COL9A1: variants seen among roughly 807,000 people sequenced by gnomAD.
The protein encoded by COL9A1 is collagen type IX alpha 1 chain, also known as collagen alpha-1(IX) chain.
A neutral mutation model predicts 142.6 loss-of-function variants in COL9A1; 104 were observed. The observed-to-expected ratio is 0.73, with a 90% CI of 0.62 to 0.86. The LOEUF (loss-of-function observed/expected upper bound fraction) is 0.86. Ranked by LOEUF, COL9A1 falls within the 40% of genes least tolerant of loss-of-function variation. The probability of loss-of-function intolerance (pLI) is 0.00; values close to 1 mark genes in which losing one functional copy is unlikely to be tolerated. For synonymous variants in COL9A1, 466 were observed against 396.0 expected (o/e 1.18, Z -2.10); for missense variants, 1,210 against 1,176.6 (o/e 1.03, Z -0.42).
chr6:70,255,412 T>C (rs1415990372), intron 21 of COL9A1, 22 bp from the exon 22 acceptor site: 1 of 1,610,288 alleles, frequency 6.2e-7, no homozygotes, highest in Non-Finnish European at 8.5e-7. Flanking sequence ...TAAAATTTTG[T>C]TAATACAAGA....
At chr6:70,282,782 G>A (rs921563292) in intron 7 of COL9A1, 116 bp downstream of exon 7, 1 of 1,484,344 alleles carries the variant, frequency 6.7e-7, no homozygotes. Context: ...GAGGAAGCGC[G>A]GGTCTGAGAG....
intron 28 of COL9A1, among the ~76,000 whole-genome samples, chr6:70,248,820 G>A (rs1319713865): frequency 6.6e-6 from 1 of 152,156 alleles, no homozygotes; most frequent in African/African-American, 2.4e-5. Context: ...CGACATGACT[G>A]GCACCTTCTG....
In COL9A1 at chr6:70,270,139, C is replaced by T. The variant is rs370048867; in HGVS notation, c.1197+175G>A. ...AACCACCTTTTAAATTATTGTGATTCTTCTACTTCTTGCCCTAAACAGAAC... is the reference window on the plus strand; with the variant it reads ...AACCACCTTTTAAATTATTGTGATTTTTCTACTTCTTGCCCTAAACAGAAC... On this transcript the variant is annotated intron_variant, in intron 15 of 37. Transcript: ENST00000357250. Among the ~76,000 whole-genome samples, 4 of 152,278 alleles carry T rather than the reference C, an allele frequency of 2.6e-5. No individual in the cohort carries two copies. In the South Asian group the frequency reaches 8.3e-4, roughly 32 times the overall value.
intron 18 of COL9A1, among the ~76,000 whole-genome samples, chr6:70,263,797 T>G (rs1218866615): frequency 6.6e-6 from 1 of 151,982 alleles, no homozygotes; most frequent in Admixed American, 6.6e-5. Context: ...AATATTTTAA[T>G]GTAAATCAGC....
At chr6:70,273,238 T>C (rs918023464) in intron 12 of COL9A1, among the ~76,000 whole-genome samples, 21 of 152,134 alleles carry the variant, frequency 1.4e-4, no homozygotes, top group African/African-American at 5.1e-4. Context: ...AAGTGTTGTG[T>C]TTGAAAACAC....
chr6:70,256,078 TC>T (rs1262789566), intron 21 of COL9A1, among the ~76,000 whole-genome samples: 1 of 152,130 alleles, frequency 6.6e-6, no homozygotes, highest in Admixed American at 6.5e-5. Context: ...CATAACCCCA[TC>T]ACCACCAACA....
rs745725671 is a variant in COL9A1, at chr6:70,268,839, C to A, written c.1252G>T (p.Gly418Cys). 3 of 1,613,942 alleles carry A rather than the reference C, an allele frequency of 1.9e-6. No individual in the cohort carries two copies. Among genetic ancestry groups the A allele is most frequent in the East Asian group, 4.5e-5 (2 of 44,872 alleles). The change falls in exon 17 of 38, where the codon GGT (glycine) becomes TGT (cysteine). Residue 418 changes from glycine to cysteine, a missense_variant. Transcript: ENST00000357250. ...DPLCPNACPPGRSGYPGLPGM... is the reference protein window; with the variant it reads ...DPLCPNACPPCRSGYPGLPGM... ...GGTAGGCCTGGATATCCTGAGCGAC[C>A]TGGTGGACAGGCATTGGGACACTGC... is the stretch of plus-strand genomic sequence containing the variant.
intron 5 of COL9A1, among the ~76,000 whole-genome samples, chr6:70,285,336 C>T (rs1773410155): frequency 6.6e-6 from 1 of 152,232 alleles, no homozygotes; most frequent in South Asian, 2.1e-4. Context: ...ATCATCTATA[C>T]AACAACCGTT....
chr6:70,296,991 C>A (rs1032589201), intron 4 of COL9A1, among the ~76,000 whole-genome samples: 4 of 152,022 alleles, frequency 2.6e-5, no homozygotes, highest in African/African-American at 9.7e-5. Flanking sequence ...AATCAGTTTC[C>A]TTTAAAAAGT....
chr6:70,239,427 C>A, intron 32 of COL9A1, 141 bp from the exon 33 acceptor site: 7 of 640,346 alleles, frequency 1.1e-5, no homozygotes, highest in South Asian at 9.5e-5. Flanking sequence ...AAATATTAGA[C>A]TCCAATTTTG....
chr6:70,302,075 C>G lies in COL9A1; in HGVS notation c.15-1G>C, dbSNP rs1774086094. The G allele has an allele frequency of 6.2e-7, 1 of 1,608,060 alleles. No homozygotes were observed. The highest frequency in any genetic ancestry group is 8.5e-7 in the Non-Finnish European group (1 of 1,176,964). ...CACAAAGAAGAAAACTGGAATTTTC[C>G]TGAAGAAGAGAGAAGAAAAATGACT... On this transcript the variant is annotated splice_acceptor_variant, in intron 1 of 37. Transcript: ENST00000357250. LOFTEE classifies it high-confidence loss of function.
In COL9A1 at chr6:70,252,295, C is replaced by T. The variant is rs753761775; in HGVS notation, c.1785G>A (p.Gly595=). 1 of 1,614,172 alleles carries T rather than the reference C, an allele frequency of 6.2e-7. No individual in the cohort carries two copies. Among genetic ancestry groups the T allele is most frequent in the Admixed American group, 1.7e-5 (1 of 60,022 alleles). Residue 595 remains glycine, a synonymous_variant, in exon 27 of 38, where the codon GGG becomes GGA. Coordinates refer to ENST00000357250, the MANE Select transcript of COL9A1 (RefSeq NM_001851.6). ...AGEKGSTGAP[G]KPGQMGNSGK... is the part of the protein sequence containing the mutation. The stretch of plus-strand genomic sequence containing the variant: ...CTGAATTTCCCATCTGACCAGGCTT[C>T]CCTGGAGCACCTGTGCTACCCTAAG...
At chr6:70,253,541 C>G in intron 25 of COL9A1, 112 bp from the exon 26 acceptor site, 2 of 778,536 alleles carry the variant, frequency 2.6e-6, no homozygotes, top group Non-Finnish European at 4.5e-6. Flanking sequence ...AACCTCAAAG[C>G]TTTAATGTAA....
intron 12 of COL9A1, 180 bp downstream of exon 12, chr6:70,273,867 C>T (rs978140974): frequency 2.1e-5 from 6 of 282,094 alleles, no homozygotes; most frequent in African/African-American, 1.4e-4. Context: ...GCTTACCATA[C>T]CAGATGTCAT....
chr6:70,282,719 G>A (rs192748070), intron 7 of COL9A1, among the ~76,000 whole-genome samples, 179 bp downstream of exon 7: 2 of 152,162 alleles, frequency 1.3e-5, no homozygotes, highest in Non-Finnish European at 1.5e-5. Context: ...TAGACCAAGG[G>A]GTCATCTACG....
At chr6:70,268,324 C>T (rs1194090225) in intron 17 of COL9A1, among the ~76,000 whole-genome samples, 5 of 152,056 alleles carry the variant, frequency 3.3e-5, no homozygotes, top group African/African-American at 1.2e-4. Context: ...AAGTGATCCT[C>T]CCACCTCAGC....
chr6:70,242,780 A>G, intron 28 of COL9A1, 65 bp from the exon 29 acceptor site: 2 of 1,482,146 alleles, frequency 1.3e-6, no homozygotes, highest in Middle Eastern at 1.7e-4. Flanking sequence ...GTTACTATGT[A>G]AATAAAATAA....
chr6:70,240,535 C>T (rs1389166522), intron 32 of COL9A1, among the ~76,000 whole-genome samples, 154 bp downstream of exon 32: 1 of 150,956 alleles, frequency 6.6e-6, no homozygotes, highest in Non-Finnish European at 1.5e-5. Flanking sequence ...AACATCATAA[C>T]CTTTAAAGAA....
Position 70,217,828 on chromosome 6 carries a change from T to C in COL9A1, c.2582-747A>G, listed in dbSNP as rs556380808. Among the ~76,000 whole-genome samples, 8 of 152,304 alleles carry C rather than the reference T, an allele frequency of 5.3e-5. No homozygotes were observed. In the South Asian group the frequency reaches 8.3e-4, roughly 16 times the overall value. On this transcript the variant is annotated intron_variant, in intron 37 of 37. Transcript: ENST00000357250. ...TCTCTCAGTTTCTTCATCTACAAGATGGGATAATGTCTTCCTAATAATTAA... is the reference window on the plus strand; with the variant it reads ...TCTCTCAGTTTCTTCATCTACAAGACGGGATAATGTCTTCCTAATAATTAA...
Sources: gnomAD v4.1 joint callset for allele counts (sites outside exome capture counted in the v4.1 genomes callset) on GRCh38, gnomAD v4.1.1 for gene constraint, MANE v1.5 for transcripts, NCBI Gene and HGNC (gene_info 2026-07-23, HGNC 2026-07-21) for gene names.